Variants in CLEC2A observed in about 807,000 individuals in gnomAD.
CLEC2A encodes the protein keratinocyte-associated C-type lectin.
A neutral mutation model predicts 18.6 loss-of-function variants in CLEC2A; 19 were observed. The observed-to-expected ratio is 1.02, with a 90% CI of 0.71 to 1.50. The LOEUF (loss-of-function observed/expected upper bound fraction) is 1.50. Among genes scored for constraint, CLEC2A ranks in the 40% most tolerant of loss-of-function variants. The pLI, the probability that CLEC2A is intolerant of heterozygous loss-of-function variation, is 0.00. For missense variants in CLEC2A, 190 were observed against 207.9 expected (o/e 0.91, Z 0.53); for synonymous variants, 74 against 64.0 (o/e 1.16, Z -0.75).
intron 4 of CLEC2A, among the ~76,000 whole-genome samples, chr12:9,900,918 C>CAA (rs752535082): frequency 1.3e-5 from 2 of 152,070 alleles, no homozygotes; most frequent in African/African-American, 2.4e-5. Context: ...CTGATGCAAA[C>CAA]AACCATATTG....
chr12:9,924,438 AAACCCAACCC>A (rs372655564), intron 2 of CLEC2A, among the ~76,000 whole-genome samples: 2,615 of 152,000 alleles, frequency 0.017, 81 homozygotes, highest in African/African-American at 0.06. Context: ...AGAATGACCG[AAACCCAACCC>A]AACCCAACCC....
At chr12:9,892,957 A>T in the CLEC2A span, 1 of 1,285,896 alleles carries the variant, frequency 7.8e-7, no homozygotes, top group South Asian at 1.5e-5. Context: ...CACATTTGAT[A>T]ATATTTCTAT....
the CLEC2A span, among the ~76,000 whole-genome samples, chr12:9,880,319 A>T: frequency 6.6e-6 from 1 of 152,236 alleles, no homozygotes; most frequent in Non-Finnish European, 1.5e-5. Flanking sequence ...TATAGAGATC[A>T]TGCAGAATGG....
chr12:9,911,269 C>T (rs1356132593), downstream of CLEC2A, among the ~76,000 whole-genome samples: 1 of 152,106 alleles, frequency 6.6e-6, no homozygotes, highest in African/African-American at 2.4e-5. Context: ...GCTGACATGT[C>T]TAGGCATGTC....
At position 9,927,349 on chromosome 12, in the gene CLEC2A, C is replaced by T. The variant is rs572346395; in HGVS notation, c.56-1006G>A. On this transcript the variant is annotated intron_variant, in intron 1 of 4. Transcript: ENST00000455827. ...TCAAAAATGGTACACCTTTACAAGG[C>T]AGCTTCATTGTAATCTTATGGGACC... Among the ~76,000 whole-genome samples, 6 of 152,274 alleles carry T rather than the reference C, an allele frequency of 3.9e-5. No homozygotes were observed. In the South Asian group the frequency reaches 1.2e-3, roughly 32 times the overall value.
chr12:9,908,824 G>A (rs994419269), downstream of CLEC2A, among the ~76,000 whole-genome samples: 2 of 152,090 alleles, frequency 1.3e-5, no homozygotes, highest in African/African-American at 4.8e-5. Context: ...CTTTAATAGG[G>A]GGCTTGAAGC....
rs530703708 is a variant in CLEC2A at position 9,923,292 on chromosome 12, G to T, written c.140-1060C>A. On this transcript the variant is annotated intron_variant, in intron 2 of 4. Transcript: ENST00000455827. ...AGGATATGAACAGACACTTCTCAAA[G>T]AAGACATTTACGCAGCCAACAGACA... Among the ~76,000 whole-genome samples, 19 of 152,298 alleles carry T rather than the reference G, an allele frequency of 1.2e-4. No individual in the cohort carries two copies. The South Asian group carries it at 3.9e-3, about 32-fold the overall frequency.
the CLEC2A span, among the ~76,000 whole-genome samples, chr12:9,890,298 C>T: frequency 3.9e-5 from 6 of 152,294 alleles, no homozygotes; most frequent in East Asian, 9.6e-4. Flanking sequence ...TCACAGTTCC[C>T]ACGAGTTGGG....
chr12:9,887,289 G>C, the CLEC2A span, among the ~76,000 whole-genome samples: 2 of 152,040 alleles, frequency 1.3e-5, no homozygotes, highest in African/African-American at 4.8e-5. Context: ...AGATTAGATA[G>C]ATAAAGATAG....
chr12:9,894,126 T>TTCTCTCTCTC (rs141327204), downstream of CLEC2A, among the ~76,000 whole-genome samples: 2,712 of 130,212 alleles, frequency 0.021, 39 homozygotes, highest in Middle Eastern at 0.026. Flanking sequence ...TTTCTTTTCT[T>TTCTCTCTCTC]TCTCTCTCTC....
chr12:9,909,717 T>G (rs894616099), downstream of CLEC2A, among the ~76,000 whole-genome samples: 1 of 152,162 alleles, frequency 6.6e-6, no homozygotes, highest in Non-Finnish European at 1.5e-5. Flanking sequence ...CTACCTCACG[T>G]TGGAGTCCTT....
intron 2 of CLEC2A, among the ~76,000 whole-genome samples, chr12:9,924,436 C>T (rs1032474427): frequency 3.3e-5 from 5 of 151,456 alleles, no homozygotes; most frequent in South Asian, 4.2e-4. Context: ...TGAGAATGAC[C>T]GAAACCCAAC....
chr12:9,913,749 A>C, intron 4 of CLEC2A, 69 bp from the exon 5 acceptor site: 2 of 1,009,812 alleles, frequency 2.0e-6, no homozygotes. Context: ...AATTAATAAT[A>C]GAGTGATTTT....
At chr12:9,884,519 CATAG>C in the CLEC2A span, among the ~76,000 whole-genome samples, 4 of 150,268 alleles carry the variant, frequency 2.7e-5, no homozygotes, top group African/African-American at 9.7e-5. Flanking sequence ...TTGTGCCTGA[CATAG>C]ATATATACAT....
chr12:9,912,819 C>CT (rs1488131173), downstream of CLEC2A, among the ~76,000 whole-genome samples: 402 of 152,332 alleles, frequency 2.6e-3, 3 homozygotes, highest in African/African-American at 9.1e-3. Context: ...AGTGGGCAGA[C>CT]TGGTGGGAGT....
chr12:9,907,891 T>C (rs1402085883), intron 4 of CLEC2A, among the ~76,000 whole-genome samples: 1 of 152,214 alleles, frequency 6.6e-6, no homozygotes, highest in Non-Finnish European at 1.5e-5. Flanking sequence ...TGTATTACTG[T>C]AAACCATTGA....
intron 4 of CLEC2A, among the ~76,000 whole-genome samples, chr12:9,904,128 GA>G (rs551573731): frequency 1.5e-3 from 227 of 152,292 alleles, no homozygotes; most frequent in African/African-American, 5.3e-3. Flanking sequence ...AGGTCTCCCA[GA>G]AATGCTAAGT....
chr12:9,891,867 T>A, the CLEC2A span, among the ~76,000 whole-genome samples: 2 of 152,302 alleles, frequency 1.3e-5, no homozygotes, highest in African/African-American at 4.8e-5. Context: ...AATTTTTAAA[T>A]AAAATTTTAG....
chr12:9,918,060 T>G (rs537455043), intron 3 of CLEC2A, among the ~76,000 whole-genome samples: 1 of 152,332 alleles, frequency 6.6e-6, no homozygotes, highest in South Asian at 2.1e-4. Flanking sequence ...CTGTTTACTG[T>G]GTTAATAGTT....
Sources: gnomAD v4.1 joint callset for allele counts (sites outside exome capture counted in the v4.1 genomes callset) on GRCh38, gnomAD v4.1.1 for gene constraint, MANE v1.5 for transcripts, NCBI Gene and HGNC (gene_info 2026-07-23, HGNC 2026-07-21) for gene names.